Variants in TECTA observed in about 807,000 individuals in gnomAD.
TECTA encodes the protein alpha-tectorin.
Under a neutral mutation model 216.8 loss-of-function variants are expected in TECTA, and 128 were observed. The ratio of observed to expected loss-of-function variants is 0.59; its 90% confidence interval spans 0.51 to 0.68. The LOEUF (loss-of-function observed/expected upper bound fraction) is 0.68. Ranked by LOEUF, TECTA falls within the 30% of genes least tolerant of loss-of-function variation. The pLI is 0.00. For synonymous variants in TECTA, 1,089 were observed against 1,117.1 expected, an observed-to-expected ratio of 0.97 and a Z score of 0.50; for missense variants, 2,551 against 2,786.2, an observed-to-expected ratio of 0.92 and a Z score of 1.90.
At chr11:121,108,762 A>C (rs1257566247) in intron 3 of TECTA, among the ~76,000 whole-genome samples, 1 of 151,004 alleles carries the variant, frequency 6.6e-6, no homozygotes, top group East Asian at 1.9e-4. Flanking sequence ...CAGTACACAC[A>C]CACACACCAT....
At chr11:121,122,305 T>C (rs983637054) in intron 7 of TECTA, among the ~76,000 whole-genome samples, 1 of 152,150 alleles carries the variant, frequency 6.6e-6, no homozygotes, top group Non-Finnish European at 1.5e-5. Context: ...CATTTCTTCT[T>C]TCACCATATG....
chr11:121,178,278 G>A (rs983348891), intron 20 of TECTA, among the ~76,000 whole-genome samples: 10 of 152,228 alleles, frequency 6.6e-5, no homozygotes, highest in African/African-American at 1.2e-4. Context: ...CGTCGCTCAC[G>A]CTGGGAGCTG....
chr11:121,157,707 T>C, intron 13 of TECTA, 134 bp from the exon 14 acceptor site: 1 of 1,283,242 alleles, frequency 7.8e-7, no homozygotes. Context: ...GTTTCCCCAC[T>C]GCTGCCTCCT....
rs1947042589 is a variant in TECTA, at chr11:121,165,392, C to T, written c.5383+9C>T. 6.4e-7 allele frequency: 1 copy of T among 1,567,448 alleles called. No individual in the cohort carries two copies. Among genetic ancestry groups the T allele is most frequent in the East Asian group, 2.4e-5 (1 of 42,448 alleles). ...ACCCCCCTATGGAAATAGTGAGTGA[C>T]ATGGGCCACCTCCCCACCCAGAAAG... On this transcript the variant is annotated intron_variant, in intron 17 of 23. Coordinates refer to ENST00000392793, the MANE Select transcript of TECTA (RefSeq NM_005422.4).
intron 22 of TECTA, 46 bp downstream of exon 22, chr11:121,189,213 G>A: frequency 6.3e-7 from 1 of 1,592,550 alleles, no homozygotes; most frequent in South Asian, 1.1e-5. Context: ...AAAACAACGG[G>A]ATTTCAAGGC....
intron 12 of TECTA, among the ~76,000 whole-genome samples, chr11:121,146,772 T>C (rs780586640): frequency 1.4e-4 from 22 of 152,190 alleles, no homozygotes; most frequent in Non-Finnish European, 3.1e-4. Flanking sequence ...ATTAGGTAAT[T>C]GAAAGCCAGG....
chr11:121,128,151 A>T lies in TECTA; in HGVS notation c.2174A>T (p.Asp725Val), dbSNP rs1946633630. ...CAGAACCAGGTGCTGCACACCTTTGACGGCGCCTCCTACGCCTTCCCCTCC... is the reference window on the plus strand; with the variant it reads ...CAGAACCAGGTGCTGCACACCTTTGTCGGCGCCTCCTACGCCTTCCCCTCC... ...LSQNQVLHTF[D>V]GASYAFPSEF... The change falls in exon 9 of 24, where the codon GAC (aspartate) becomes GTC (valine). Residue 725 changes from aspartate (D) to valine (V), a missense_variant. Physicochemically the swap from Asp to Val is radical, Grantham distance 152. Transcript: ENST00000392793. 1 of 1,611,910 alleles carries T rather than the reference A, an allele frequency of 6.2e-7. No homozygotes were observed. Among genetic ancestry groups the T allele is most frequent in the Non-Finnish European group, 8.5e-7 (1 of 1,180,028 alleles).
At chr11:121,144,584 T>G (rs1334667793) in intron 11 of TECTA, among the ~76,000 whole-genome samples, 1 of 152,232 alleles carries the variant, frequency 6.6e-6, no homozygotes, top group African/African-American at 2.4e-5. Context: ...TCTTCCATCA[T>G]GCACTAACCC....
intron 10 of TECTA, among the ~76,000 whole-genome samples, chr11:121,131,213 CAAAAAAA>C (rs10683692): frequency 1.4e-5 from 1 of 70,832 alleles, no homozygotes; most frequent in Non-Finnish European, 2.5e-5. Context: ...GACTCCATCT[CAAAAAAA>C]AAAAAAAAAA....
intron 20 of TECTA, among the ~76,000 whole-genome samples, chr11:121,183,691 C>T (rs762025885): frequency 7.2e-5 from 11 of 152,206 alleles, no homozygotes; most frequent in Non-Finnish European, 1.0e-4. Flanking sequence ...CTCACCACTG[C>T]ACTCCAGCCT....
intron 18 of TECTA, 132 bp downstream of exon 18, chr11:121,166,912 C>T: frequency 2.1e-6 from 2 of 961,904 alleles, no homozygotes; most frequent in East Asian, 2.6e-5. Context: ...CAGCAATAGG[C>T]ATGTGCAACA....
In TECTA at chr11:121,146,021, C is replaced by T. The variant is rs535440644; in HGVS notation, c.4010C>T (p.Ala1337Val). ...TTTGACTCTTGCATCGATGGGGGCG[C>T]GGTGCAGACCGCCTGCAGCTGGCTG... ...CLFDSCIDGGAVQTACSWLQN... is the reference protein window; with the variant it reads ...CLFDSCIDGGVVQTACSWLQN... Residue 1337 changes from alanine (A) to valine (V), a missense_variant, in exon 12 of 24, where the codon GCG becomes GTG. Ala to Val is a moderately conservative substitution (Grantham distance 64). Coordinates refer to ENST00000392793, the MANE Select transcript of TECTA (RefSeq NM_005422.4). 34 of 1,613,898 alleles carry T rather than the reference C, an allele frequency of 2.1e-5. No individual in the cohort carries two copies. The highest frequency in any genetic ancestry group is 3.3e-4 in the Middle Eastern group (2 of 6,084).
chr11:121,174,377 T>C (rs954378018), intron 20 of TECTA, among the ~76,000 whole-genome samples: 3,299 of 151,984 alleles, frequency 0.022, 122 homozygotes, highest in African/African-American at 0.076. Context: ...CAATACCTAA[T>C]TTATTGAGAG....
In TECTA at chr11:121,168,832, A is replaced by T; in HGVS notation, c.5906A>T (p.Asp1969Val). 6.2e-7 allele frequency: 1 copy of T among 1,614,162 alleles called. No homozygotes were observed. The highest frequency in any genetic ancestry group is 8.5e-7 in the Non-Finnish European group (1 of 1,180,030). The change falls in exon 20 of 24, where the codon GAC becomes GTC. Residue 1969 changes from aspartate to valine, a missense_variant. By Grantham distance (152) the Asp-to-Val change is radical (BLOSUM62 -3). Transcript: ENST00000392793. ...LYVGVFVVGA[D>V]ATHLILTLNK... ...GTAGGGGTTTTTGTGGTTGGAGCTGACGCCACACATTTAATCCTAACACTC... is the reference window on the plus strand; with the variant it reads ...GTAGGGGTTTTTGTGGTTGGAGCTGTCGCCACACATTTAATCCTAACACTC...
chr11:121,139,473 A>C (rs1435828040), intron 11 of TECTA, among the ~76,000 whole-genome samples: 1 of 152,202 alleles, frequency 6.6e-6, no homozygotes, highest in East Asian at 1.9e-4. Context: ...CAGGTGGATC[A>C]CAAGGTCAAG....
At chr11:121,158,606 A>G (rs1397469241) in intron 14 of TECTA, among the ~76,000 whole-genome samples, 2 of 152,196 alleles carry the variant, frequency 1.3e-5, no homozygotes, top group African/African-American at 2.4e-5. Context: ...TCTTGTAGTA[A>G]GACCCACCCT....
At position 121,157,924 on chromosome 11, in the gene TECTA, A is replaced by T; in HGVS notation, c.4389A>T (p.Gln1463His). 1.2e-6 allele frequency: 2 copies of T among 1,614,168 alleles called. No homozygotes were observed. The highest frequency in any genetic ancestry group is 1.7e-6 in the Non-Finnish European group (2 of 1,180,032). Residue 1463 changes from glutamine (Q) to histidine (H), a missense_variant, in exon 14 of 24, where the codon CAA becomes CAT. Around this residue, in one of 3 missense-constraint regions of TECTA, gnomAD observed 2,375 missense variants for 2,563.9 expected, o/e 0.93. Coordinates refer to ENST00000392793, the MANE Select transcript of TECTA (RefSeq NM_005422.4). ...ACGTGATTCAGTGCGACCCGCGCCA[A>T]TGCAAGTCAGACGAGGAGTGTGCGC... ...RRNVIQCDPR[Q>H]CKSDEECALR...
At chr11:121,163,679 T>TA (rs1212718647) in intron 16 of TECTA, among the ~76,000 whole-genome samples, 6 of 152,184 alleles carry the variant, frequency 3.9e-5, no homozygotes, top group East Asian at 1.9e-4. Context: ...GTCAGGAATT[T>TA]AAAAAAATAC....
In TECTA at chr11:121,188,236, A is replaced by G. The variant is rs492018; in HGVS notation, c.6162+242A>G. On this transcript the variant is annotated intron_variant, in intron 21 of 23. Transcript: ENST00000392793. ...AGACTAGGGTTTCTCAAAGCTCGGCACTGTTGACGTTTTGGACTGAATAAT... is the reference window on the plus strand; with the variant it reads ...AGACTAGGGTTTCTCAAAGCTCGGCGCTGTTGACGTTTTGGACTGAATAAT... Among the ~76,000 whole-genome samples, 4,537 of 152,276 alleles carry G rather than the reference A, an allele frequency of 0.03. 205 individuals are homozygous for G. The highest frequency in any genetic ancestry group is 0.1 in the African/African-American group (4,212 of 41,540).
Sources: gnomAD v4.1 joint callset for allele counts (sites outside exome capture counted in the v4.1 genomes callset) on GRCh38, gnomAD v4.1.1 for gene constraint, gnomAD v4.1.1 regional missense constraint, MANE v1.5 for transcripts, NCBI Gene and HGNC (gene_info 2026-07-23, HGNC 2026-07-21) for gene names.